The following ABTB3 variants were observed in gnomAD, a reference collection of about 807,000 sequenced individuals.
ABTB3 encodes ankyrin repeat and BTB domain containing 3.
chr12:107,383,890 G>T, the ABTB3 span, among the ~76,000 whole-genome samples: 1 of 152,212 alleles, frequency 6.6e-6, no homozygotes, highest in African/African-American at 2.4e-5. Flanking sequence ...ATCTGCTCAG[G>T]GCCTTTCATT....
chr12:107,478,878 T>G, the ABTB3 span, among the ~76,000 whole-genome samples: 1 of 152,094 alleles, frequency 6.6e-6, no homozygotes, highest in Non-Finnish European at 1.5e-5. Context: ...GCTTCTGGGT[T>G]TGTCCCAACA....
the ABTB3 span, among the ~76,000 whole-genome samples, chr12:107,554,258 T>A: frequency 6.6e-6 from 1 of 152,228 alleles, no homozygotes. Context: ...GCACATTTTT[T>A]ATTTTTAATT....
At chr12:107,430,881 A>G in the ABTB3 span, among the ~76,000 whole-genome samples, 33 of 152,224 alleles carry the variant, frequency 2.2e-4, no homozygotes, top group Non-Finnish European at 4.7e-4. Flanking sequence ...TAATTTCCTA[A>G]TATTAACCAC....
At chr12:107,519,239 C>A in the ABTB3 span, among the ~76,000 whole-genome samples, 1 of 152,168 alleles carries the variant, frequency 6.6e-6, no homozygotes, top group African/African-American at 2.4e-5. Context: ...CTAGTCAGGG[C>A]ATGTTTTTCT....
At chr12:107,617,299 A>G in the ABTB3 span, 1 of 1,614,096 alleles carries the variant, frequency 6.2e-7, no homozygotes, top group Non-Finnish European at 8.5e-7. Context: ...CTGGGCTTGC[A>G]GGAAATTTTG....
At chr12:107,382,142 A>C in the ABTB3 span, among the ~76,000 whole-genome samples, 1 of 152,184 alleles carries the variant, frequency 6.6e-6, no homozygotes, top group African/African-American at 2.4e-5. Context: ...TAGAGTGGGG[A>C]TGTATAAAGG....
the ABTB3 span, among the ~76,000 whole-genome samples, chr12:107,389,993 T>G: frequency 6.6e-5 from 10 of 152,062 alleles, no homozygotes; most frequent in Non-Finnish European, 1.3e-4. Context: ...GCACAAAAAT[T>G]GGACTTCTTA....
the ABTB3 span, among the ~76,000 whole-genome samples, chr12:107,532,078 C>T: frequency 1.3e-5 from 2 of 152,238 alleles, no homozygotes; most frequent in Non-Finnish European, 2.9e-5. Context: ...CAATAGCAAA[C>T]TTGCCCCCTC....
chr12:107,562,561 G>T, the ABTB3 span, among the ~76,000 whole-genome samples: 41 of 152,352 alleles, frequency 2.7e-4, no homozygotes, highest in Admixed American at 2.4e-3. Flanking sequence ...TGAGTCCAAG[G>T]TGGGCAGGGT....
chr12:107,641,958 A>C, the ABTB3 span: 1 of 807,496 alleles, frequency 1.2e-6, no homozygotes, highest in Non-Finnish European at 2.2e-6. Flanking sequence ...AAATGTAAGG[A>C]TATACCAGTG....
At chr12:107,414,735 T>G in the ABTB3 span, among the ~76,000 whole-genome samples, 2 of 149,654 alleles carry the variant, frequency 1.3e-5, no homozygotes, top group African/African-American at 5.0e-5. Flanking sequence ...TTTTTTTTTT[T>G]GAGGCAGAGT....
chr12:107,449,887 C>G, the ABTB3 span, among the ~76,000 whole-genome samples: 2 of 152,264 alleles, frequency 1.3e-5, no homozygotes, highest in Middle Eastern at 3.4e-3. Flanking sequence ...AGCAATCCTC[C>G]TGCCTCTGCC....
At chr12:107,379,072 G>A in the ABTB3 span, among the ~76,000 whole-genome samples, 2 of 152,280 alleles carry the variant, frequency 1.3e-5, no homozygotes, top group African/African-American at 2.4e-5. Flanking sequence ...ATGACCTTAG[G>A]CAATTTACTG....
At chr12:107,327,127 A>C in the ABTB3 span, among the ~76,000 whole-genome samples, 6 of 152,220 alleles carry the variant, frequency 3.9e-5, no homozygotes, top group African/African-American at 1.4e-4. Flanking sequence ...AGTAACAGTA[A>C]AAGACTATTA....
At chr12:107,476,830 T>C in the ABTB3 span, among the ~76,000 whole-genome samples, 2 of 152,102 alleles carry the variant, frequency 1.3e-5, no homozygotes, top group African/African-American at 4.8e-5. Flanking sequence ...TGTGTGTGTG[T>C]GTGTATTTAC....
chr12:107,634,239 A>T, the ABTB3 span, among the ~76,000 whole-genome samples: 1 of 152,362 alleles, frequency 6.6e-6, no homozygotes, highest in African/African-American at 2.4e-5. Flanking sequence ...TCACATCACT[A>T]GTGGCCCCAA....
the ABTB3 span, among the ~76,000 whole-genome samples, chr12:107,483,343 C>A: frequency 1.3e-5 from 2 of 152,082 alleles, no homozygotes; most frequent in Non-Finnish European, 2.9e-5. Flanking sequence ...CGTGCCCAGC[C>A]CCTTGATGCT....
the ABTB3 span, among the ~76,000 whole-genome samples, chr12:107,331,389 G>T: frequency 5.6e-4 from 85 of 152,330 alleles, no homozygotes; most frequent in African/African-American, 1.9e-3. Flanking sequence ...ACCCATGACA[G>T]TTGCTCCGCG....
chr12:107,322,525 A>G, the ABTB3 span, among the ~76,000 whole-genome samples: 3 of 152,322 alleles, frequency 2.0e-5, no homozygotes, highest in South Asian at 2.1e-4. Flanking sequence ...AGGACAACAT[A>G]CCTTACATAA....
Sources: allele counts gnomAD v4.1 joint callset (sites outside exome capture counted in the v4.1 genomes callset), GRCh38; gene constraint gnomAD v4.1.1; transcripts MANE v1.5; gene names NCBI Gene and HGNC (gene_info 2026-07-23, HGNC 2026-07-21).